TINAG: variants seen among roughly 807,000 people sequenced by gnomAD.
TINAG encodes the protein tubulointerstitial nephritis antigen.
TINAG carries 83 observed loss-of-function variants against 72.7 expected under a neutral mutation model. That is an observed-to-expected ratio of 1.14 (90% CI 0.96 to 1.37). The LOEUF is 1.37. Among genes scored for constraint, TINAG ranks in the 40% most tolerant of loss-of-function variants. The pLI, the probability that TINAG is intolerant of heterozygous loss-of-function variation, is 0.00. For missense variants in TINAG, 685 were observed against 576.6 expected, an observed-to-expected ratio of 1.19 and a Z score of -1.93; for synonymous variants, 234 against 189.9, an observed-to-expected ratio of 1.23 and a Z score of -1.91.
At chr6:54,374,469 A>G (rs1421315203) in intron 9 of TINAG, among the ~76,000 whole-genome samples, 10 of 152,094 alleles carry the variant, frequency 6.6e-5, no homozygotes, top group Non-Finnish European at 1.2e-4. Context: ...TCCATCTTTG[A>G]TCTAGCATTA....
rs113100660 is a variant in TINAG, at chr6:54,328,556, C to T, written c.624+1640C>T. Among the ~76,000 whole-genome samples the T allele has an allele frequency of 1.2e-4, 18 of 152,100 alleles. 2 individuals are homozygous for T. The highest frequency in any genetic ancestry group is 3.6e-4 in the African/African-American group (15 of 41,506). On this transcript the variant is annotated intron_variant, in intron 4 of 10. Coordinates refer to ENST00000259782, the MANE Select transcript of TINAG (RefSeq NM_014464.4). ...GCTGAAAATTCCAAAAACCAGAATG[C>T]CTCTTCTTCTCCAAAGGATCACAAC...
At chr6:54,327,012 T>A in intron 4 of TINAG, 96 bp downstream of exon 4, 5 of 1,567,326 alleles carry the variant, frequency 3.2e-6, no homozygotes, top group Non-Finnish European at 4.3e-6. Context: ...AATAATGAGT[T>A]TTGAGCTTTC....
At chr6:54,346,937 G>T (rs1785137221) in intron 5 of TINAG, among the ~76,000 whole-genome samples, 1 of 152,038 alleles carries the variant, frequency 6.6e-6, no homozygotes, top group African/African-American at 2.4e-5. Flanking sequence ...TAGTTTTCTT[G>T]ATTGCCCTGG....
chr6:54,375,221 C>A (rs1253230808), intron 9 of TINAG, among the ~76,000 whole-genome samples: 1 of 152,130 alleles, frequency 6.6e-6, no homozygotes, highest in Non-Finnish European at 1.5e-5. Flanking sequence ...TTATTCTCAT[C>A]ACAGAAGAAT....
intron 3 of TINAG, among the ~76,000 whole-genome samples, chr6:54,322,335 A>AAC (rs997745223): frequency 5.1e-4 from 77 of 150,624 alleles, no homozygotes; most frequent in African/African-American, 1.9e-3. Flanking sequence ...CAAACAAACA[A>AAC]AAAAAAAACA....
At chr6:54,334,389 A>G (rs1353291118) in intron 4 of TINAG, among the ~76,000 whole-genome samples, 1 of 152,202 alleles carries the variant, frequency 6.6e-6, no homozygotes, top group Admixed American at 6.6e-5. Context: ...TTTGCTTTTG[A>G]GTGATGTAAT....
At position 54,363,107 on chromosome 6, in the gene TINAG, G is replaced by T. The variant is rs1251460719; in HGVS notation, c.1250+8471G>T. 2.0e-5 allele frequency among the ~76,000 whole-genome samples: 3 copies of T among 151,556 alleles called. No homozygotes were observed. The Admixed American group carries it at 2.0e-4, about 10-fold the overall frequency. On this transcript the variant is annotated intron_variant, in intron 9 of 10. Transcript: ENST00000259782. Reference sequence around the variant, plus strand: ...ATGCAAAGGGAGCAACTTGTGTGAAGTCCCTATGCTTAGAAGACTACACAA... The same window carrying T: ...ATGCAAAGGGAGCAACTTGTGTGAATTCCCTATGCTTAGAAGACTACACAA...
At chr6:54,353,383 G>A (rs1007144886) in intron 8 of TINAG, among the ~76,000 whole-genome samples, 4 of 151,724 alleles carry the variant, frequency 2.6e-5, no homozygotes, top group African/African-American at 7.3e-5. Context: ...CCTGGCATAC[G>A]GCATTTCCCC....
Position 54,354,612 on chromosome 6 carries a change from A to G in TINAG, c.1226A>G (p.Gln409Arg), listed in dbSNP as rs143211069. 4.8e-5 allele frequency: 78 copies of G among 1,610,230 alleles called. No individual in the cohort carries two copies. Among genetic ancestry groups the G allele is most frequent in the Non-Finnish European group, 6.4e-5 (75 of 1,178,062 alleles). Residue 409 changes from glutamine (Q) to arginine (R), a missense_variant, in exon 9 of 11, where the codon CAG becomes CGG. By Grantham distance (43) the Gln-to-Arg change is conservative. Coordinates refer to ENST00000259782, the MANE Select transcript of TINAG (RefSeq NM_014464.4). ...NKESEKYRKLQTHAVKLTGWG... is the reference protein window; with the variant it reads ...NKESEKYRKLRTHAVKLTGWG... ...GAATCAGAAAAATATCGAAAGCTTC[A>G]GACACATGCAGTCAAACTCACTGGG...
intron 10 of TINAG, among the ~76,000 whole-genome samples, chr6:54,381,974 A>AT (rs1183466075): frequency 6.6e-6 from 1 of 151,968 alleles, no homozygotes; most frequent in East Asian, 1.9e-4. Flanking sequence ...CCCACCCTAG[A>AT]TCCCTACCTC....
chr6:54,328,332 CT>C (rs1393358019), intron 4 of TINAG, among the ~76,000 whole-genome samples: 2 of 152,108 alleles, frequency 1.3e-5, no homozygotes, highest in African/African-American at 4.8e-5. Context: ...CAAACAAGAT[CT>C]GGAGTGGACC....
chr6:54,369,486 T>TA (rs1763538751), intron 9 of TINAG, among the ~76,000 whole-genome samples: 1 of 152,008 alleles, frequency 6.6e-6, no homozygotes, highest in Admixed American at 6.6e-5. Context: ...TTTTAAAACT[T>TA]AAAAATATAA....
chr6:54,386,183 A>G (rs943482209), intron 10 of TINAG, among the ~76,000 whole-genome samples: 4 of 152,114 alleles, frequency 2.6e-5, no homozygotes, highest in African/African-American at 9.7e-5. Context: ...GAGCCAGTGA[A>G]CCCGGCTTGA....
chr6:54,368,885 T>A (rs866472499), intron 9 of TINAG, among the ~76,000 whole-genome samples: 1 of 151,762 alleles, frequency 6.6e-6, no homozygotes, highest in Non-Finnish European at 1.5e-5. Flanking sequence ...TTTCAGAGAT[T>A]CTTACATTGA....
chr6:54,346,114 C>T (rs551654901), intron 5 of TINAG, among the ~76,000 whole-genome samples: 5 of 151,948 alleles, frequency 3.3e-5, no homozygotes, highest in Non-Finnish European at 5.9e-5. Flanking sequence ...TAAAATGGTA[C>T]CCACCCCAAT....
chr6:54,308,242 T>C (rs1380181062), upstream of TINAG: 3 of 838,276 alleles, frequency 3.6e-6, no homozygotes, highest in East Asian at 2.7e-5. Context: ...CAATAGTCAA[T>C]GTATCTCTAT....
intron 4 of TINAG, among the ~76,000 whole-genome samples, chr6:54,330,251 T>A (rs1186280372): frequency 6.6e-6 from 1 of 151,904 alleles, no homozygotes; most frequent in African/African-American, 2.4e-5. Context: ...TGCAAAAGAA[T>A]GGAAATCATA....
chr6:54,323,236 C>A (rs1784531593), intron 3 of TINAG, among the ~76,000 whole-genome samples: 1 of 151,732 alleles, frequency 6.6e-6, no homozygotes, highest in Non-Finnish European at 1.5e-5. Context: ...ATAATTGGAG[C>A]AAAAGGAAAC....
At chr6:54,325,433 A>C (rs545287666) in intron 3 of TINAG, among the ~76,000 whole-genome samples, 1 of 152,328 alleles carries the variant, frequency 6.6e-6, no homozygotes, top group South Asian at 2.1e-4. Context: ...TAGGTTAGTC[A>C]TACCTTTCAC....
Sources: allele counts gnomAD v4.1 joint callset (sites outside exome capture counted in the v4.1 genomes callset), GRCh38; gene constraint gnomAD v4.1.1; transcripts MANE v1.5; gene names NCBI Gene and HGNC (gene_info 2026-07-23, HGNC 2026-07-21).